Variants in MAPKAP1 observed in about 807,000 individuals in gnomAD.
MAPKAP1 encodes MAPK associated protein 1.
Under a neutral mutation model 65.7 loss-of-function variants are expected in MAPKAP1, and 20 were observed. That is an observed-to-expected ratio of 0.30 (90% CI 0.21 to 0.44). The LOEUF is 0.44. Ranked by LOEUF, MAPKAP1 falls within the 20% of genes least tolerant of loss-of-function variation. The pLI is 1.00. For synonymous variants in MAPKAP1, 222 were observed against 244.3 expected, an observed-to-expected ratio of 0.91 and a Z score of 0.85; for missense variants, 423 against 648.0, an observed-to-expected ratio of 0.65 and a Z score of 3.77.
intron 8 of MAPKAP1, among the ~76,000 whole-genome samples, chr9:125,493,356 C>T (rs887826304): frequency 6.6e-5 from 10 of 152,166 alleles, no homozygotes; most frequent in African/African-American, 2.4e-4. Flanking sequence ...ATGGAACCTC[C>T]CCTGTCTCTC....
intron 4 of MAPKAP1, among the ~76,000 whole-genome samples, chr9:125,656,155 A>T (rs1424282369): frequency 6.6e-6 from 1 of 152,226 alleles, no homozygotes; most frequent in Non-Finnish European, 1.5e-5. Context: ...CAGGCAATGG[A>T]AGCAAATAAA....
At chr9:125,637,338 T>C (rs961300839) in intron 4 of MAPKAP1, among the ~76,000 whole-genome samples, 1 of 151,250 alleles carries the variant, frequency 6.6e-6, no homozygotes, top group African/African-American at 2.4e-5. Context: ...GCAGAAGGAA[T>C]GAGCAGATAA....
In MAPKAP1 at chr9:125,448,634, C is replaced by T. The variant is rs181649135; in HGVS notation, c.1346-4036G>A. On this transcript the variant is annotated intron_variant, in intron 10 of 11. Coordinates refer to ENST00000265960, the MANE Select transcript of MAPKAP1 (RefSeq NM_001006617.3). Reference sequence around the variant, plus strand: ...CCTTTGAAAATTCCAAGACCACCAGCGGTTTTCATAGGAACAGGGTTAAGT... The same window carrying T: ...CCTTTGAAAATTCCAAGACCACCAGTGGTTTTCATAGGAACAGGGTTAAGT... Among the ~76,000 whole-genome samples, 5 of 152,138 alleles carry T rather than the reference C, an allele frequency of 3.3e-5. No homozygotes were observed. The East Asian group carries it at 7.7e-4, about 23-fold the overall frequency.
intron 4 of MAPKAP1, among the ~76,000 whole-genome samples, chr9:125,609,922 C>T (rs1832551016): frequency 6.6e-6 from 1 of 152,168 alleles, no homozygotes; most frequent in African/African-American, 2.4e-5. Context: ...AAAACAGCCC[C>T]CACTTACCCT....
At chr9:125,515,635 G>T (rs575817501) in intron 7 of MAPKAP1, among the ~76,000 whole-genome samples, 1 of 152,186 alleles carries the variant, frequency 6.6e-6, no homozygotes, top group South Asian at 2.1e-4. Context: ...GCAAAAAATC[G>T]TAACTAAATT....
chr9:125,537,904 A>G (rs1368333605), intron 7 of MAPKAP1, among the ~76,000 whole-genome samples: 3 of 152,212 alleles, frequency 2.0e-5, no homozygotes, highest in Non-Finnish European at 4.4e-5. Flanking sequence ...AGTCTAGTAC[A>G]GCAGGTCCAC....
Position 125,446,938 on chromosome 9 carries a change from C to A in MAPKAP1, c.1346-2340G>T, listed in dbSNP as rs967837436. Reference sequence around the variant, plus strand: ...ATACACAGCACATGTAATAAGTAGTCTGCAAGGCCTAAGAGCCCCAGAAAG... The same window carrying A: ...ATACACAGCACATGTAATAAGTAGTATGCAAGGCCTAAGAGCCCCAGAAAG... On this transcript the variant is annotated intron_variant, in intron 10 of 11. Coordinates refer to ENST00000265960, the MANE Select transcript of MAPKAP1 (RefSeq NM_001006617.3). Among the ~76,000 whole-genome samples the A allele has an allele frequency of 2.0e-5, 3 of 152,146 alleles. No homozygotes were observed. In the East Asian group the frequency reaches 5.8e-4, roughly 29 times the overall value.
chr9:125,480,744 G>A (rs533584608), intron 9 of MAPKAP1, among the ~76,000 whole-genome samples: 19 of 151,648 alleles, frequency 1.3e-4, no homozygotes, highest in South Asian at 8.3e-4. Flanking sequence ...AGGCCAAGGC[G>A]GGTGGATCAC....
At chr9:125,491,744 G>T (rs1012273455) in intron 8 of MAPKAP1, among the ~76,000 whole-genome samples, 5 of 151,050 alleles carry the variant, frequency 3.3e-5, no homozygotes, top group African/African-American at 1.2e-4. Flanking sequence ...TTGTACTACT[G>T]CATTCTAGCC....
intron 5 of MAPKAP1, among the ~76,000 whole-genome samples, chr9:125,561,643 C>T (rs968072165): frequency 9.2e-5 from 14 of 152,064 alleles, no homozygotes; most frequent in African/African-American, 3.1e-4. Flanking sequence ...GTGGTCAGAA[C>T]GAGTTCAAAT....
intron 7 of MAPKAP1, among the ~76,000 whole-genome samples, chr9:125,538,841 A>T (rs1305600070): frequency 6.6e-6 from 1 of 152,208 alleles, no homozygotes; most frequent in African/African-American, 2.4e-5. Flanking sequence ...CACATAAGTG[A>T]ATGTACGACA....
At chr9:125,467,544 T>C (rs1589216905) in intron 10 of MAPKAP1, among the ~76,000 whole-genome samples, 1 of 152,296 alleles carries the variant, frequency 6.6e-6, no homozygotes, top group South Asian at 2.1e-4. Context: ...AATCTAGGCG[T>C]TCGCCGCCTT....
intron 7 of MAPKAP1, among the ~76,000 whole-genome samples, chr9:125,509,528 C>T (rs1177651689): frequency 2.6e-5 from 4 of 152,158 alleles, no homozygotes; most frequent in Non-Finnish European, 5.9e-5. Flanking sequence ...AATTAGCACA[C>T]ATTGTGGCAT....
At chr9:125,460,402 C>T (rs1036579711) in intron 10 of MAPKAP1, among the ~76,000 whole-genome samples, 13 of 151,930 alleles carry the variant, frequency 8.6e-5, no homozygotes, top group African/African-American at 1.9e-4. Context: ...TTTATTAATA[C>T]GTCCGAGGGA....
chr9:125,585,222 T>C (rs1831743615), intron 5 of MAPKAP1, among the ~76,000 whole-genome samples: 1 of 152,250 alleles, frequency 6.6e-6, no homozygotes, highest in African/African-American at 2.4e-5. Context: ...AGCTACAAAG[T>C]GCCCAGCCCA....
chr9:125,453,581 G>A (rs1405676505), intron 10 of MAPKAP1, among the ~76,000 whole-genome samples: 2 of 152,142 alleles, frequency 1.3e-5, no homozygotes, highest in Admixed American at 6.5e-5. Flanking sequence ...CTTGATAAAT[G>A]GTATTTTCTT....
At chr9:125,527,053 T>C (rs1829790782) in intron 7 of MAPKAP1, among the ~76,000 whole-genome samples, 1 of 128,434 alleles carries the variant, frequency 7.8e-6, no homozygotes, top group South Asian at 2.9e-4. Flanking sequence ...GATTCATACA[T>C]GTAGTGTTTT....
intron 1 of MAPKAP1, among the ~76,000 whole-genome samples, chr9:125,693,840 CACACAT>C (rs1835301950): frequency 7.9e-6 from 1 of 127,214 alleles, no homozygotes; most frequent in Admixed American, 7.5e-5. Context: ...CATATATATA[CACACAT>C]ACACACACAC....
At chr9:125,519,649 C>CTT (rs925032852) in intron 7 of MAPKAP1, among the ~76,000 whole-genome samples, 7 of 113,026 alleles carry the variant, frequency 6.2e-5, no homozygotes, top group Admixed American at 2.0e-4. Flanking sequence ...ATATATATGT[C>CTT]TTTTATATAT....
Sources: allele counts gnomAD v4.1 joint callset (sites outside exome capture counted in the v4.1 genomes callset), GRCh38; gene constraint gnomAD v4.1.1; transcripts MANE v1.5; gene names NCBI Gene and HGNC (gene_info 2026-07-23, HGNC 2026-07-21).